The following PLEC variants were observed in gnomAD, a reference collection of about 807,000 sequenced individuals.
PLEC encodes the protein hemidesmosomal protein 1.
PLEC carries 216 observed loss-of-function variants against 392.8 expected under a neutral mutation model. The observed-to-expected ratio is 0.55, with a 90% CI of 0.49 to 0.62. The LOEUF (loss-of-function observed/expected upper bound fraction) is 0.62. Among genes scored for constraint, PLEC ranks in the 20% least tolerant of loss-of-function variants. The probability of loss-of-function intolerance (pLI) is 0.00; values close to 1 mark genes in which losing one functional copy is unlikely to be tolerated. For synonymous variants in PLEC, 3,621 were observed against 2,980.6 expected (o/e 1.21, Z -7.00); for missense variants, 6,863 against 6,563.4 (o/e 1.05, Z -1.58).
upstream of PLEC, among the ~76,000 whole-genome samples, chr8:143,952,181 AACACACACAC>A (rs66992958): frequency 1.4e-5 from 2 of 140,234 alleles, no homozygotes; most frequent in African/African-American, 3.1e-5. Flanking sequence ...GCAGGCTCCA[AACACACACAC>A]ACACACACAC....
At chr8:143,952,688 A>G (rs1382375164), upstream of PLEC, among the ~76,000 whole-genome samples, 2 of 151,568 alleles carry the variant, frequency 1.3e-5, no homozygotes, top group Non-Finnish European at 2.9e-5. Flanking sequence ...CTGTCCCAAA[A>G]TGATCCCAAG....
At position 143,923,790 on chromosome 8, in the gene PLEC, G is replaced by A; in HGVS notation, c.6139C>T (p.Leu2047=). The A allele has an allele frequency of 6.3e-7, 1 of 1,576,758 alleles. No homozygotes were observed. The highest frequency in any genetic ancestry group is 1.1e-5 in the South Asian group (1 of 88,142). ...GCGTGTGCCTTCTCTTCCGCCTGCA[G>A]CCGCTTCTGGGCGGCCTCCTGGGCC... ...QLAQEAAQKR[L]QAEEKAHAFA... Residue 2047 remains leucine (L), a synonymous_variant, in exon 31 of 32, where the codon CTG becomes TTG. Coordinates refer to ENST00000345136, the MANE Select transcript of PLEC (RefSeq NM_201384.3).
intron 1 of PLEC, among the ~76,000 whole-genome samples, chr8:143,965,489 C>A (rs575753430): frequency 1.3e-5 from 2 of 151,946 alleles, no homozygotes; most frequent in African/African-American, 2.4e-5. Context: ...TCATGACCCA[C>A]GGCCCCTGCT....
In PLEC at chr8:143,919,260, G is replaced by C. The variant is rs782316417; in HGVS notation, c.10561C>G (p.Leu3521Val). The change falls in exon 32 of 32, where the codon CTC becomes GTC. Residue 3521 changes from leucine (L) to valine (V), a missense_variant. By Grantham distance (32) the Leu-to-Val change is conservative. Coordinates refer to ENST00000345136, the MANE Select transcript of PLEC (RefSeq NM_201384.3). ...CGCTCCAGCAGCTGCCTGTACGTGA[G>C]GTTCTCATGCGTGTTGGGGTCAAAG... ...GFFDPNTHEN[L>V]TYRQLLERCV... is the part of the protein sequence containing the mutation. The C allele has an allele frequency of 7.4e-6, 12 of 1,613,938 alleles. No individual in the cohort carries two copies. Among genetic ancestry groups the C allele is most frequent in the South Asian group, 1.1e-5 (1 of 91,092 alleles).
chr8:143,927,141 C>T, intron 28 of PLEC, 60 bp from the exon 29 acceptor site: 2 of 1,563,596 alleles, frequency 1.3e-6, no homozygotes, highest in Non-Finnish European at 1.8e-6. Flanking sequence ...CTGCCCAGCC[C>T]CTAAACCCTC....
At chr8:143,960,750 C>A (rs1267370724) in intron 1 of PLEC, among the ~76,000 whole-genome samples, 1 of 152,236 alleles carries the variant, frequency 6.6e-6, no homozygotes, top group African/African-American at 2.4e-5. Flanking sequence ...TTGCTCCCCT[C>A]CCTTCTCCCT....
At chr8:143,970,486 T>A (rs1350105610) in intron 1 of PLEC, among the ~76,000 whole-genome samples, 1 of 152,200 alleles carries the variant, frequency 6.6e-6, no homozygotes, top group South Asian at 2.1e-4. Flanking sequence ...TGGCTTTTCA[T>A]GTCAGTACCA....
At position 143,920,787 on chromosome 8, in the gene PLEC, C is replaced by T. The variant is rs200898220; in HGVS notation, c.9034G>A (p.Glu3012Lys). 1.7e-3 allele frequency: 2,801 copies of T among 1,607,268 alleles called. 7 individuals carry two copies. The highest frequency in any genetic ancestry group is 2.2e-3 in the Non-Finnish European group (2,604 of 1,179,928). ...RGERSVRDVA[E>K]VDTVRRALRG... is the part of the protein sequence containing the mutation. Reference sequence around the variant, plus strand: ...AGAGCCCGCCGCACAGTGTCCACCTCGGCTACGTCTCGCACAGAGCGCTCA... The same window carrying T: ...AGAGCCCGCCGCACAGTGTCCACCTTGGCTACGTCTCGCACAGAGCGCTCA... The change falls in exon 32 of 32, where the codon GAG (glutamate) becomes AAG (lysine). Residue 3012 changes from glutamate to lysine, a missense_variant. By Grantham distance (56) the Glu-to-Lys change is moderately conservative. Coordinates refer to ENST00000345136, the MANE Select transcript of PLEC (RefSeq NM_201384.3).
chr8:143,942,585 G>A (rs1286313561), upstream of PLEC: 29 of 1,469,734 alleles, frequency 2.0e-5, no homozygotes, highest in Non-Finnish European at 2.6e-5. Flanking sequence ...CGGCGCCTCT[G>A]CTTCCAGCCC....
Position 143,920,946 on chromosome 8 carries a change from T to C in PLEC, c.8875A>G (p.Ile2959Val), listed in dbSNP as rs1485016392. Residue 2959 changes from isoleucine to valine, a missense_variant, in exon 32 of 32, where the codon ATC becomes GTC. Coordinates refer to ENST00000345136, the MANE Select transcript of PLEC (RefSeq NM_201384.3). ...RITVEKIIKI[I>V]ITVVEEQEQK... ...TCCTGCTCCTCCACCACCGTGATGA[T>C]GATCTTGATGATCTTCTCCACTGTG... The C allele has an allele frequency of 1.9e-6, 3 of 1,612,856 alleles. No homozygotes were observed. The African/African-American group carries it at 4.0e-5, about 22-fold the overall frequency.
chr8:143,924,068 T>A lies in PLEC; in HGVS notation c.5861A>T (p.Asn1954Ile). 6.3e-7 allele frequency: 1 copy of A among 1,597,802 alleles called. No individual in the cohort carries two copies. The highest frequency in any genetic ancestry group is 8.5e-7 in the Non-Finnish European group (1 of 1,179,114). Residue 1954 changes from asparagine (N) to isoleucine (I), a missense_variant, in exon 31 of 32, where the codon AAC (asparagine) becomes ATC (isoleucine). Asn to Ile is a moderately radical substitution (Grantham distance 149). Coordinates refer to ENST00000345136, the MANE Select transcript of PLEC (RefSeq NM_201384.3). ...LELELGRIRS[N>I]AEDTLRSKEQ... ...CTTGCTGCGCAGCGTGTCCTCCGCGTTGCTGCGGATGCGTCCCAGCTCCAG... is the reference window on the plus strand; with the variant it reads ...CTTGCTGCGCAGCGTGTCCTCCGCGATGCTGCGGATGCGTCCCAGCTCCAG...
chr8:143,971,143 CGTT>C lies in PLEC; in HGVS notation c.70+2257_70+2259del, dbSNP rs750749671. On this transcript the variant is annotated intron_variant, in intron 1 of 31. Transcript: ENST00000356346. ...GACGTGTCCAGGGGAGGGTCTGAGA[CGTT>C]GTGGGGTGGGGGGTGAAGGTCACCG... Among the ~76,000 whole-genome samples the C allele has an allele frequency of 1.3e-3, 203 of 151,756 alleles. 1 individual carries two copies. Among genetic ancestry groups the C allele is most frequent in the Non-Finnish European group, 1.7e-3 (116 of 67,930 alleles).
At chr8:143,930,622 G>C (rs1230464256) in intron 19 of PLEC, 86 bp from the exon 20 acceptor site, 3 of 1,411,176 alleles carry the variant, frequency 2.1e-6, no homozygotes, top group Admixed American at 4.0e-5. Flanking sequence ...GACCAGGCCT[G>C]TGGGGCCCTC....
At chr8:143,928,175 T>G (rs1554709383) in intron 25 of PLEC, among the ~76,000 whole-genome samples, 183 bp from the exon 26 acceptor site, 1 of 152,130 alleles carries the variant, frequency 6.6e-6, no homozygotes. Flanking sequence ...AGAAGGAGGT[T>G]GGGAGCCTCT....
In PLEC at chr8:143,934,424, G is replaced by C; in HGVS notation, c.1063C>G (p.Leu355Val). 6.2e-7 allele frequency: 1 copy of C among 1,611,500 alleles called. No homozygotes were observed. ...SLEGAVQAGQ[L>V]KVPPGYHPLD... is the part of the protein sequence containing the mutation. ...GGGTGGTAGCCAGGGGGCACCTTGA[G>C]CTGGCCTGCTTGCACCGCTCCCTGT... The change falls in exon 11 of 32, where the codon CTC becomes GTC. Residue 355 changes from leucine (L) to valine (V), a missense_variant. Coordinates refer to ENST00000345136, the MANE Select transcript of PLEC (RefSeq NM_201384.3).
intron 1 of PLEC, among the ~76,000 whole-genome samples, chr8:143,945,749 G>A (rs147810879): frequency 3.3e-4 from 50 of 152,312 alleles, no homozygotes; most frequent in Admixed American, 6.5e-4. Context: ...GCCTGGCCCC[G>A]GGCCACTGGG....
Position 143,924,113 on chromosome 8 carries a change from G to C in PLEC, c.5816C>G (p.Ala1939Gly), listed in dbSNP as rs782502398. ...CTCCAGCTCCAGCTCCGCCTTGCCA[G>C]CGGCCGCCTTCTCGAAGCTCGCCTT... ...ALKASFEKAA[A>G]GKAELELELG... The change falls in exon 31 of 32, where the codon GCT becomes GGT. Residue 1939 changes from alanine (A) to glycine (G), a missense_variant. By Grantham distance (60) the Ala-to-Gly change is moderately conservative. Transcript: ENST00000345136. 4 of 1,598,664 alleles carry C rather than the reference G, an allele frequency of 2.5e-6. No homozygotes were observed. Among genetic ancestry groups the C allele is most frequent in the Non-Finnish European group, 3.4e-6 (4 of 1,179,408 alleles).
At chr8:143,967,362 CAAAAAAA>C (rs869137248) in intron 1 of PLEC, among the ~76,000 whole-genome samples, 49 of 46,850 alleles carry the variant, frequency 1.0e-3, no homozygotes, top group East Asian at 3.9e-3. Flanking sequence ...GACTCCATCT[CAAAAAAA>C]AAAAAAAAAA....
chr8:143,920,667 C>G lies in PLEC; in HGVS notation c.9154G>C (p.Asp3052His). ...NALKKDLLPS[D>H]MAVALLEAQA... ...GCTTCCAACAGGGCCACGGCCATGT[C>G]GGATGGCAGCAGGTCTTTCTTCAGG... The change falls in exon 32 of 32, where the codon GAC becomes CAC. Residue 3052 changes from aspartate (D) to histidine (H), a missense_variant. Asp to His is a moderately conservative substitution (Grantham distance 81, BLOSUM62 -1). Coordinates refer to ENST00000345136, the MANE Select transcript of PLEC (RefSeq NM_201384.3). 6.2e-7 allele frequency: 1 copy of G among 1,603,702 alleles called. No individual in the cohort carries two copies. Among genetic ancestry groups the G allele is most frequent in the Non-Finnish European group, 8.5e-7 (1 of 1,179,888 alleles).
Sources: allele counts gnomAD v4.1 joint callset (sites outside exome capture counted in the v4.1 genomes callset), GRCh38; gene constraint gnomAD v4.1.1; transcripts MANE v1.5; gene names NCBI Gene and HGNC (gene_info 2026-07-23, HGNC 2026-07-21).